The following TYMS variants were observed in gnomAD, a reference collection of about 807,000 sequenced individuals.
TYMS encodes thymidylate synthase.
Under a neutral mutation model 39.3 loss-of-function variants are expected in TYMS, and 21 were observed. The observed-to-expected ratio is 0.54, with a 90% CI of 0.38 to 0.77. The LOEUF is 0.77. Among genes scored for constraint, TYMS ranks in the 30% least tolerant of loss-of-function variants. TYMS has a pLI of 0.00. For missense variants in TYMS, 273 were observed against 406.7 expected (o/e 0.67, Z 2.83); for synonymous variants, 171 against 162.2 (o/e 1.05, Z -0.41).
At chr18:672,817 G>A in intron 6 of TYMS, 43 bp from the exon 7 acceptor site, 2 of 1,535,702 alleles carry the variant, frequency 1.3e-6, no homozygotes, top group Non-Finnish European at 1.8e-6. Context: ...ATTACAACAG[G>A]TCGTACAATT....
rs2074881475 is a variant in TYMS at position 667,595 on chromosome 18, T to TGATGGA, written c.455-1472_455-1471insAGATGG. On this transcript the variant is annotated intron_variant, in intron 3 of 6. Coordinates refer to ENST00000323274, the MANE Select transcript of TYMS (RefSeq NM_001071.4). Reference sequence around the variant, plus strand: ...GAGATGGTGATGGTGATGGTGATGGTGATGGTGATGGTGATGGAGATGGGT... The same window carrying TGATGGA: ...GAGATGGTGATGGTGATGGTGATGGTGATGGAGATGGTGATGGTGATGGAGATGGGT... 3.1e-5 allele frequency: 3 copies of TGATGGA among 95,294 alleles called. 1 individual carries two copies. Among genetic ancestry groups the TGATGGA allele is most frequent in the African/African-American group, 5.5e-5 (1 of 18,318 alleles). 5.9% of individuals were successfully genotyped at this position (95,294 alleles called of 1,614,324 possible).
chr18:669,225 A>G (rs770424643), intron 4 of TYMS, 52 bp downstream of exon 4: 1 of 1,536,946 alleles, frequency 6.5e-7, no homozygotes, highest in South Asian at 1.1e-5. Context: ...CTTAGAGGGA[A>G]GCAATCTGGT....
At chr18:668,283 T>C (rs773195831) in intron 3 of TYMS, among the ~76,000 whole-genome samples, 1 of 152,120 alleles carries the variant, frequency 6.6e-6, no homozygotes, top group Non-Finnish European at 1.5e-5. Context: ...GAGAGGACTT[T>C]CCTCCCAAAA....
chr18:671,377 T>C lies in TYMS; in HGVS notation c.733-3T>C, dbSNP rs762878036. On this transcript the variant is annotated splice_region_variant and splice_polypyrimidine_tract_variant and intron_variant, in intron 5 of 6. Transcript: ENST00000323274. ...TGTTCTGCTTTCTCCCCCGGGTTTA[T>C]AGCCAGGTGACTTTATACACACTTT... 1.9e-6 allele frequency: 3 copies of C among 1,604,230 alleles called. No individual in the cohort carries two copies. Among genetic ancestry groups the C allele is most frequent in the East Asian group, 2.2e-5 (1 of 44,868 alleles).
intron 3 of TYMS, among the ~76,000 whole-genome samples, chr18:666,614 G>A (rs566326756): frequency 2.0e-5 from 3 of 152,318 alleles, no homozygotes; most frequent in Admixed American, 6.5e-5. Context: ...TAAGGGGACA[G>A]TCACATTTCA....
rs376855135 is a variant in TYMS, at chr18:667,394, A to T, written c.455-1678A>T. Among the ~76,000 whole-genome samples, 36 of 5,976 alleles carry T rather than the reference A, an allele frequency of 6.0e-3. 3 individuals are homozygous for T. The highest frequency in any genetic ancestry group is 7.4e-3 in the Non-Finnish European group (23 of 3,102). The allele number at this position is 5,976 out of a possible 152,430, so 3.9% of individuals were successfully genotyped here. On this transcript the variant is annotated intron_variant, in intron 3 of 6. Transcript: ENST00000323274. ...GTGATGGTGATGGTGATGGTGATGG[A>T]GATGGTGATGGTGATGGTGATGGTG...
Position 658,136 on chromosome 18 carries a change from C to A in TYMS, c.205+189C>A, listed in dbSNP as rs768186816. On this transcript the variant is annotated intron_variant, in intron 1 of 6. Coordinates refer to ENST00000323274, the MANE Select transcript of TYMS (RefSeq NM_001071.4). The surrounding 1 kb of genome is among the most constrained non-coding windows in gnomAD (Gnocchi z 4.5). ...AGGGTCCCATTAGGGACGTGACTGG[C>A]GCGGGCAACACACACAGCAGCGACA... is the stretch of plus-strand genomic sequence containing the variant. 4.4e-6 allele frequency: 7 copies of A among 1,586,018 alleles called. No homozygotes were observed. Among genetic ancestry groups the A allele is most frequent in the Non-Finnish European group, 6.0e-6 (7 of 1,169,536 alleles).
At position 660,055 on chromosome 18, in the gene TYMS, G is replaced by A. The variant is rs1173897681; in HGVS notation, c.279+341G>A. On this transcript the variant is annotated intron_variant, in intron 2 of 6. Transcript: ENST00000323274. The surrounding 1 kb of genome is among the most constrained non-coding windows in gnomAD (Gnocchi z 4.6). ...TGTACTCCAGCCTGGGCGACAGAGG[G>A]AGAACCCATGTCAAAAACAAAAAAA... 6.6e-6 allele frequency among the ~76,000 whole-genome samples: 1 copy of A among 152,158 alleles called. No individual in the cohort carries two copies. The highest frequency in any genetic ancestry group is 2.4e-5 in the African/African-American group (1 of 41,430).
chr18:667,607 T>TGATGGAGATGGAGATGGA (rs1292108760), intron 3 of TYMS: 5 of 43,728 alleles, frequency 1.1e-4, no homozygotes, highest in Admixed American at 6.9e-4. Context: ...ATGGTGATGG[T>TGATGGAGATGGAGATGGA]GATGGAGATG....
Position 658,068 on chromosome 18 carries a change from G to A in TYMS, c.205+121G>A. 1 of 1,574,544 alleles carries A rather than the reference G, an allele frequency of 6.4e-7. No individual in the cohort carries two copies. Among genetic ancestry groups the A allele is most frequent in the Non-Finnish European group, 8.6e-7 (1 of 1,163,164 alleles). On this transcript the variant is annotated intron_variant, in intron 1 of 6. Transcript: ENST00000323274. The surrounding 1 kb of genome is among the most constrained non-coding windows in gnomAD (Gnocchi z 4.5). ...TAGTCCTAACCTCAATCCTGCGAGGGAGGGGACGCATCGTCCTCCTCGCCT... is the reference window on the plus strand; with the variant it reads ...TAGTCCTAACCTCAATCCTGCGAGGAAGGGGACGCATCGTCCTCCTCGCCT...
rs772000195 is a variant in TYMS, at chr18:658,238, C to T, written c.205+291C>T. 6.7e-6 allele frequency: 10 copies of T among 1,486,950 alleles called. No homozygotes were observed. The highest frequency in any genetic ancestry group is 1.2e-5 in the South Asian group (1 of 83,104). 92.1% of individuals were successfully genotyped at this position (1,486,950 alleles called of 1,614,324 possible). A position where few individuals can be genotyped will look rare whatever the true frequency, so the allele number is the denominator to read the frequency against. On this transcript the variant is annotated intron_variant, in intron 1 of 6. Coordinates refer to ENST00000323274, the MANE Select transcript of TYMS (RefSeq NM_001071.4). This position sits in a 1 kb window ranked among gnomAD's most constrained non-coding sequence, Gnocchi z 4.5. ...CCCAGTGATGCCGTGGCCCCCGAGG[C>T]GGGCGTCATCGGGCAGCGTTTGCCC...
Position 658,582 on chromosome 18 carries a change from A to C in TYMS, c.205+635A>C. On this transcript the variant is annotated intron_variant, in intron 1 of 6. Transcript: ENST00000323274. The surrounding 1 kb of genome is among the most constrained non-coding windows in gnomAD (Gnocchi z 4.5). ...TTCCTCTTTCCTTTCCGACAGGAGC[A>C]CCCCAGGCAAAAAATGTCTCGCGGG... 6.3e-4 allele frequency: 102 copies of C among 161,622 alleles called. No homozygotes were observed. Among genetic ancestry groups the C allele is most frequent in the South Asian group, 1.3e-3 (16 of 11,992 alleles). 10.0% of individuals were successfully genotyped at this position (161,622 alleles called of 1,614,324 possible).
intron 1 of TYMS, 144 bp from the exon 2 acceptor site, chr18:659,497 G>A (rs1368795730): frequency 1.6e-5 from 11 of 693,148 alleles, no homozygotes; most frequent in South Asian, 1.0e-4. Context: ...GAGCTCCACC[G>A]TGATCTCTGG....
intron 3 of TYMS, among the ~76,000 whole-genome samples, chr18:668,511 G>A (rs971793962): frequency 3.9e-5 from 6 of 152,204 alleles, no homozygotes; most frequent in Admixed American, 6.5e-5. Flanking sequence ...TTCCAAGTCA[G>A]TCGTGTGTTG....
chr18:670,402 T>C (rs935192200), intron 4 of TYMS: 2 of 318,736 alleles, frequency 6.3e-6, no homozygotes. Flanking sequence ...TTATTCCTGC[T>C]GTATTTGTAA....
At position 657,681 on chromosome 18, in the gene TYMS, ACTTGGCC is replaced by A; in HGVS notation, c.-61_-55del. 1 of 1,198,676 alleles carries A rather than the reference ACTTGGCC, an allele frequency of 8.3e-7. No homozygotes were observed. Among genetic ancestry groups the A allele is most frequent in the Non-Finnish European group, 1.1e-6 (1 of 935,384 alleles). 74.3% of individuals were successfully genotyped at this position (1,198,676 alleles called of 1,614,324 possible). A position where few individuals can be genotyped will look rare whatever the true frequency, so the allele number is the denominator to read the frequency against. On this transcript the variant is annotated 5_prime_UTR_variant, in exon 1 of 7. In the 5' UTR this introduces an upstream ATG that the reference lacks. Coordinates refer to ENST00000323274, the MANE Select transcript of TYMS (RefSeq NM_001071.4). The stretch of plus-strand genomic sequence containing the variant: ...TGGCCTGCCTCCGTCCCGCCGCGCC[ACTTGGCC>A]TGCCTCCGTCCCGCCGCGCCACTTC...
In TYMS at chr18:658,682, T is replaced by A; in HGVS notation, c.205+735T>A. Reference sequence around the variant, plus strand: ...CAGGACGTTAGGCAGCCGTTGGCCCTCCCTAAGGCCACACCGTCCTGCCGT... The same window carrying A: ...CAGGACGTTAGGCAGCCGTTGGCCCACCCTAAGGCCACACCGTCCTGCCGT... On this transcript the variant is annotated intron_variant, in intron 1 of 6. Coordinates refer to ENST00000323274, the MANE Select transcript of TYMS (RefSeq NM_001071.4). The surrounding 1 kb of genome is among the most constrained non-coding windows in gnomAD (Gnocchi z 4.5). The A allele has an allele frequency of 3.8e-6, 1 of 264,676 alleles. No individual in the cohort carries two copies. The highest frequency in any genetic ancestry group is 7.4e-6 in the Non-Finnish European group (1 of 135,894). The allele number at this position is 264,676 out of a possible 1,614,324, so 16.4% of individuals were successfully genotyped here.
chr18:670,889 G>A lies in TYMS; in HGVS notation c.732+22G>A, dbSNP rs371259645. 138 of 1,612,696 alleles carry A rather than the reference G, an allele frequency of 8.6e-5. No individual in the cohort carries two copies. In the African/African-American group the frequency reaches 1.7e-3, roughly 19 times the overall value. ...GAAGGTGGGCTGTCTCGGGAAGGGTGACTTGCCAGCCTACCACACTGAGCT... is the reference window on the plus strand; with the variant it reads ...GAAGGTGGGCTGTCTCGGGAAGGGTAACTTGCCAGCCTACCACACTGAGCT... On this transcript the variant is annotated intron_variant, in intron 5 of 6. Coordinates refer to ENST00000323274, the MANE Select transcript of TYMS (RefSeq NM_001071.4).
In TYMS at chr18:657,850, G is replaced by C. The variant is rs764376630; in HGVS notation, c.108G>C (p.Gln36His). The change falls in exon 1 of 7, where the codon CAG (glutamine) becomes CAC (histidine). Residue 36 changes from glutamine to histidine, a missense_variant. Around this residue, in one of 3 missense-constraint regions of TYMS, gnomAD observed 228 missense variants for 326.1 expected, o/e 0.70. Coordinates refer to ENST00000323274, the MANE Select transcript of TYMS (RefSeq NM_001071.4). Reference sequence around the variant, plus strand: ...ACGGGGAGCTGCAGTACCTGGGGCAGATCCAACACATCCTCCGCTGCGGCG... The same window carrying C: ...ACGGGGAGCTGCAGTACCTGGGGCACATCCAACACATCCTCCGCTGCGGCG... ...PPHGELQYLGQIQHILRCGVR... is the reference protein window; with the variant it reads ...PPHGELQYLGHIQHILRCGVR... 1 of 1,508,632 alleles carries C rather than the reference G, an allele frequency of 6.6e-7. No homozygotes were observed. Among genetic ancestry groups the C allele is most frequent in the Non-Finnish European group, 8.8e-7 (1 of 1,136,760 alleles). 93.5% of individuals were successfully genotyped at this position (1,508,632 alleles called of 1,614,324 possible).
Sources: gnomAD v4.1 joint callset for allele counts (sites outside exome capture counted in the v4.1 genomes callset) on GRCh38, gnomAD v4.1.1 for gene constraint, gnomAD v4.1.1 regional missense constraint, Gnocchi (gnomAD v3.1) non-coding constraint, MANE v1.5 for transcripts, NCBI Gene and HGNC (gene_info 2026-07-23, HGNC 2026-07-21) for gene names.